Variants in FBXL18 observed in about 807,000 individuals in gnomAD.
FBXL18 encodes F-box/LRR-repeat protein 18.
Under a neutral mutation model 46.0 loss-of-function variants are expected in FBXL18, and 36 were observed. The observed-to-expected ratio is 0.78, with a 90% confidence interval of 0.60 to 1.03. The LOEUF (loss-of-function observed/expected upper bound fraction) is 1.03, where lower values mean the gene tolerates loss of function less well. Among genes scored for constraint, FBXL18 ranks in the 50% least tolerant of loss-of-function variants. The probability of loss-of-function intolerance (pLI) is 0.00; values close to 1 mark genes in which losing one functional copy is unlikely to be tolerated. For missense variants in FBXL18, 977 were observed against 1,004.1 expected (o/e 0.97, Z 0.36); for synonymous variants, 557 against 465.3 (o/e 1.20, Z -2.54).
intron 4 of FBXL18, among the ~76,000 whole-genome samples, chr7:5,485,422 A>T (rs1410884487): frequency 6.6e-6 from 1 of 152,164 alleles, no homozygotes; most frequent in Non-Finnish European, 1.5e-5. Flanking sequence ...CAATGTGATG[A>T]CTGGGTGTTC....
In FBXL18 at chr7:5,469,831, A is replaced by C. The variant is rs763003236; in HGVS notation, c.2000+21400T>G. ...GCACTGCTGGAACTGTGTGTGTGTG[A>C]TATGGGTGTGACACGGGAGAGGGTT... On this transcript the variant is annotated intron_variant and NMD_transcript_variant, in intron 4 of 6. Transcript: ENST00000415009. Among the ~76,000 whole-genome samples the C allele has an allele frequency of 1.3e-3, 198 of 150,978 alleles. 4 individuals are homozygous for C. Among genetic ancestry groups the C allele is most frequent in the Non-Finnish European group, 3.5e-4 (24 of 67,752 alleles).
At chr7:5,458,964 T>C (rs1783208436) in intron 4 of FBXL18, among the ~76,000 whole-genome samples, 2 of 151,642 alleles carry the variant, frequency 1.3e-5, no homozygotes, top group South Asian at 2.1e-4. Context: ...CTGGGCAACA[T>C]AGTAAGACCC....
downstream of FBXL18, among the ~76,000 whole-genome samples, chr7:5,471,071 C>T (rs1018736878): frequency 5.3e-5 from 8 of 152,236 alleles, no homozygotes; most frequent in Admixed American, 1.3e-4. Flanking sequence ...AGCTGACCCC[C>T]GGGCGCCCCG....
rs182017757 is a variant in FBXL18, at chr7:5,485,340, T to C, written c.2001-3409A>G. On this transcript the variant is annotated intron_variant, in intron 4 of 4. Transcript: ENST00000382368. ...CAGAGGGCACTCCTGTGCGGCTTCA[T>C]AGTCTGCTACGTACATAATGAGGCT... Among the ~76,000 whole-genome samples, 393 of 152,284 alleles carry C rather than the reference T, an allele frequency of 2.6e-3. 5 individuals are homozygous for C. Among genetic ancestry groups the C allele is most frequent in the Non-Finnish European group, 3.2e-4 (22 of 68,030 alleles).
At chr7:5,502,982 C>G (rs1784305590) in intron 2 of FBXL18, among the ~76,000 whole-genome samples, 1 of 152,158 alleles carries the variant, frequency 6.6e-6, no homozygotes, top group Admixed American at 6.5e-5. Context: ...TTCACTGCAA[C>G]AGATTCACAA....
chr7:5,513,546 G>C, intron 1 of FBXL18, 111 bp downstream of exon 1: 1 of 1,227,942 alleles, frequency 8.1e-7, no homozygotes, highest in Non-Finnish European at 1.2e-6. Flanking sequence ...GACGGGGCGG[G>C]GTAGGGGTCG....
chr7:5,462,800 A>C (rs1265904248), intron 4 of FBXL18, among the ~76,000 whole-genome samples: 1 of 150,084 alleles, frequency 6.7e-6, no homozygotes, highest in African/African-American at 2.4e-5. Context: ...AAATACAAAA[A>C]ATTAGCCAGG....
rs1180980635 is a variant in FBXL18 at position 5,480,548 on chromosome 7, A to ATTTTTTT, written c.*1220_*1226dup. 1 of 40,334 alleles carries ATTTTTTT rather than the reference A, an allele frequency of 2.5e-5. No homozygotes were observed. Among genetic ancestry groups the ATTTTTTT allele is most frequent in the Non-Finnish European group, 4.7e-5 (1 of 21,124 alleles). 2.5% of individuals were successfully genotyped at this position (40,334 alleles called of 1,614,324 possible). ...GTTGAATATATATATATATATATAT[A>ATTTTTTT]TTTTTTTTTTTTTTTTTTTTTTTTT... On this transcript the variant is annotated 3_prime_UTR_variant, in exon 5 of 5. Coordinates refer to ENST00000382368, the MANE Select transcript of FBXL18 (RefSeq NM_024963.6).
chr7:5,485,777 C>T (rs1420697979), intron 4 of FBXL18, among the ~76,000 whole-genome samples: 1 of 152,018 alleles, frequency 6.6e-6, no homozygotes, highest in African/African-American at 2.4e-5. Flanking sequence ...TGTGGCCGGG[C>T]GCGGTGGCTC....
chr7:5,462,488 G>A (rs80049136), intron 4 of FBXL18, among the ~76,000 whole-genome samples: 5,482 of 152,088 alleles, frequency 0.036, 143 homozygotes, highest in Non-Finnish European at 0.048. Flanking sequence ...CATGGCAGAG[G>A]GAGGCCCCGG....
At chr7:5,486,272 A>G (rs13234026) in intron 4 of FBXL18, among the ~76,000 whole-genome samples, 51,192 of 141,780 alleles carry the variant, frequency 0.36, 10,312 homozygotes, top group Admixed American at 0.48. Context: ...AAAAAAAATG[A>G]GCTGGTTGTG....
At chr7:5,472,880 A>C (rs1783448628), downstream of FBXL18, among the ~76,000 whole-genome samples, 1 of 152,066 alleles carries the variant, frequency 6.6e-6, no homozygotes, top group Admixed American at 6.6e-5. Flanking sequence ...TACAAGACAG[A>C]ATGTTTCTGG....
chr7:5,503,015 C>T (rs1337863380), intron 2 of FBXL18, among the ~76,000 whole-genome samples: 1 of 152,196 alleles, frequency 6.6e-6, no homozygotes, highest in African/African-American at 2.4e-5. Context: ...ACAAACAGCC[C>T]CAGTGTCCAT....
intron 4 of FBXL18, among the ~76,000 whole-genome samples, chr7:5,461,098 G>C (rs537523544): frequency 6.6e-6 from 1 of 152,116 alleles, no homozygotes; most frequent in Non-Finnish European, 1.5e-5. Flanking sequence ...AACCCTCCCC[G>C]AAGGGCTCCA....
Position 5,501,439 on chromosome 7 carries a change from C to A in FBXL18, c.830G>T (p.Gly277Val). 6.2e-7 allele frequency: 1 copy of A among 1,611,980 alleles called. No individual in the cohort carries two copies. Residue 277 changes from glycine (G) to valine (V), a missense_variant, in exon 3 of 5, where the codon GGC becomes GTC. By Grantham distance (109) the Gly-to-Val change is moderately radical. Coordinates refer to ENST00000382368, the MANE Select transcript of FBXL18 (RefSeq NM_024963.6). ...ISVPGSFAES[G>V]ATKNLLDSMA... ...GGAGTCCAGGAGGTTCTTGGTGGCG[C>A]CGCTCTCCGCGAAGCTGCCAGGGAC...
intron 2 of FBXL18, among the ~76,000 whole-genome samples, chr7:5,502,355 T>C (rs968902038): frequency 8.6e-5 from 13 of 151,732 alleles, no homozygotes; most frequent in Admixed American, 6.6e-4. Flanking sequence ...GCCAACATGG[T>C]GAAGCCCGAT....
At chr7:5,458,042 C>G (rs1783195567) in intron 4 of FBXL18, among the ~76,000 whole-genome samples, 1 of 151,850 alleles carries the variant, frequency 6.6e-6, no homozygotes, top group Admixed American at 6.6e-5. Context: ...TTATCTTTCT[C>G]TTCCAGAGGA....
intron 4 of FBXL18, among the ~76,000 whole-genome samples, chr7:5,466,677 C>T (rs746110919): frequency 1.3e-5 from 2 of 152,200 alleles, no homozygotes; most frequent in Non-Finnish European, 2.9e-5. Flanking sequence ...GGGACTGGGG[C>T]ATGGACATCT....
At chr7:5,484,944 T>C (rs570003584) in intron 4 of FBXL18, among the ~76,000 whole-genome samples, 1 of 152,036 alleles carries the variant, frequency 6.6e-6, no homozygotes, top group Non-Finnish European at 1.5e-5. Context: ...CGGCCATTAT[T>C]TTTTATTTTT....
Sources: allele counts gnomAD v4.1 joint callset (sites outside exome capture counted in the v4.1 genomes callset), GRCh38; gene constraint gnomAD v4.1.1; transcripts MANE v1.5; gene names NCBI Gene and HGNC (gene_info 2026-07-23, HGNC 2026-07-21).